HSD17B12: variants seen among roughly 807,000 people sequenced by gnomAD.
The protein encoded by HSD17B12 is hydroxysteroid 17-beta dehydrogenase 12.
A neutral mutation model predicts 39.3 loss-of-function variants in HSD17B12; 32 were observed. That is an observed-to-expected ratio of 0.81 (90% CI 0.61 to 1.09). The LOEUF (loss-of-function observed/expected upper bound fraction) is 1.09. Ranked by LOEUF, HSD17B12 falls within the 50% of genes least tolerant of loss-of-function variation. The probability of loss-of-function intolerance (pLI) is 0.00; values close to 1 mark genes in which losing one functional copy is unlikely to be tolerated. For synonymous variants in HSD17B12, 150 were observed against 146.7 expected, an observed-to-expected ratio of 1.02 and a Z score of -0.16; for missense variants, 342 against 382.9, an observed-to-expected ratio of 0.89 and a Z score of 0.89.
the HSD17B12 span, among the ~76,000 whole-genome samples, chr11:43,616,432 A>AAAAAAAAAC: frequency 6.6e-6 from 1 of 150,824 alleles, no homozygotes; most frequent in Non-Finnish European, 1.5e-5. Flanking sequence ...AAACAAAAAA[A>AAAAAAAAAC]AAACAAACAA....
At chr11:43,560,682 T>C in the HSD17B12 span, among the ~76,000 whole-genome samples, 1 of 152,182 alleles carries the variant, frequency 6.6e-6, no homozygotes, top group Non-Finnish European at 1.5e-5. Flanking sequence ...CATTCTCTAT[T>C]ATCCCATAGA....
chr11:43,676,857 CT>C (rs1416604332), upstream of HSD17B12, among the ~76,000 whole-genome samples: 1 of 152,146 alleles, frequency 6.6e-6, no homozygotes, highest in African/African-American at 2.4e-5. Context: ...TCTTCTCCCC[CT>C]TCCACCCTAT....
intron 4 of HSD17B12, among the ~76,000 whole-genome samples, chr11:43,801,383 A>C (rs1408619819): frequency 6.6e-6 from 1 of 152,076 alleles, no homozygotes; most frequent in East Asian, 1.9e-4. Flanking sequence ...TAGACGAAGC[A>C]AGACTTTGTA....
intron 3 of HSD17B12, among the ~76,000 whole-genome samples, chr11:43,778,213 G>T (rs1426761742): frequency 6.6e-6 from 1 of 152,202 alleles, no homozygotes; most frequent in Non-Finnish European, 1.5e-5. Context: ...ACACCTCTAT[G>T]CAAATAAACT....
At chr11:43,557,866 CG>C in the HSD17B12 span, among the ~76,000 whole-genome samples, 4 of 151,340 alleles carry the variant, frequency 2.6e-5, no homozygotes, top group African/African-American at 7.3e-5. Flanking sequence ...GGTGCTGTAA[CG>C]GGGGGGAGCC....
chr11:43,709,298 G>GT (rs1304657236), intron 1 of HSD17B12, among the ~76,000 whole-genome samples: 1 of 152,168 alleles, frequency 6.6e-6, no homozygotes, highest in Non-Finnish European at 1.5e-5. Context: ...GCTAAGTTTT[G>GT]TAATTTTAGT....
At chr11:43,566,881 G>A in the HSD17B12 span, among the ~76,000 whole-genome samples, 6 of 152,150 alleles carry the variant, frequency 3.9e-5, no homozygotes, top group Non-Finnish European at 8.8e-5. Flanking sequence ...TAGGTTAGCC[G>A]ACTAGTTAAC....
chr11:43,757,816 A>C (rs1347359856), intron 3 of HSD17B12, among the ~76,000 whole-genome samples: 2 of 152,098 alleles, frequency 1.3e-5, no homozygotes, highest in Non-Finnish European at 2.9e-5. Context: ...ACTTTGTTGC[A>C]GCATGGTGAG....
At chr11:43,641,499 C>T in the HSD17B12 span, among the ~76,000 whole-genome samples, 4 of 151,778 alleles carry the variant, frequency 2.6e-5, no homozygotes, top group African/African-American at 4.8e-5. Flanking sequence ...AAAGCAGGCC[C>T]GTGAATTAAA....
chr11:43,687,609 G>A (rs1211648308), intron 1 of HSD17B12, among the ~76,000 whole-genome samples: 4 of 152,204 alleles, frequency 2.6e-5, no homozygotes, highest in Non-Finnish European at 5.9e-5. Context: ...TCCTAGGGCA[G>A]GAAAGGGCAG....
chr11:43,709,599 GGTGA>G (rs1950046716), intron 1 of HSD17B12, among the ~76,000 whole-genome samples: 1 of 152,110 alleles, frequency 6.6e-6, no homozygotes, highest in South Asian at 2.1e-4. Flanking sequence ...TGTAACAGGA[GGTGA>G]GTAATTGGAT....
At chr11:43,665,758 C>A in the HSD17B12 span, among the ~76,000 whole-genome samples, 1 of 152,142 alleles carries the variant, frequency 6.6e-6, no homozygotes, top group Non-Finnish European at 1.5e-5. Flanking sequence ...GCTCTACACA[C>A]GCACACACGC....
chr11:43,761,434 A>G (rs772457191), intron 3 of HSD17B12, among the ~76,000 whole-genome samples: 7 of 152,250 alleles, frequency 4.6e-5, no homozygotes, highest in Non-Finnish European at 7.3e-5. Context: ...CTAATGATTT[A>G]CCAGTTTATA....
the HSD17B12 span, among the ~76,000 whole-genome samples, chr11:43,643,507 T>C: frequency 6.6e-6 from 1 of 152,100 alleles, no homozygotes; most frequent in Non-Finnish European, 1.5e-5. Flanking sequence ...CATTTTAAAA[T>C]TAAAAAGTAA....
intron 6 of HSD17B12, among the ~76,000 whole-genome samples, chr11:43,826,421 A>G (rs970324606): frequency 5.9e-5 from 9 of 152,134 alleles, no homozygotes; most frequent in African/African-American, 2.2e-4. Flanking sequence ...TTTAGAGTTT[A>G]TGAATTATGG....
the HSD17B12 span, chr11:43,557,003 A>G: frequency 6.6e-6 from 1 of 152,058 alleles, no homozygotes; most frequent in East Asian, 1.9e-4. Flanking sequence ...GCTTTTGCAA[A>G]GTTTATGATG....
chr11:43,583,845 C>T, the HSD17B12 span, among the ~76,000 whole-genome samples: 2 of 152,140 alleles, frequency 1.3e-5, no homozygotes, highest in East Asian at 1.9e-4. Flanking sequence ...CAGGAACCCT[C>T]CTCACCCCAG....
At chr11:43,825,906 G>A (rs917504845) in intron 6 of HSD17B12, among the ~76,000 whole-genome samples, 5 of 149,728 alleles carry the variant, frequency 3.3e-5, no homozygotes, top group African/African-American at 1.2e-4. Flanking sequence ...CCTTATATAC[G>A]AGTGAAAATG....
At chr11:43,616,976 T>TAAAAAA in the HSD17B12 span, among the ~76,000 whole-genome samples, 2 of 97,944 alleles carry the variant, frequency 2.0e-5, no homozygotes, top group Admixed American at 2.1e-4. Flanking sequence ...TATCTCAAAT[T>TAAAAAA]AAAAAAAAAA....
Sources: allele counts gnomAD v4.1 joint callset (sites outside exome capture counted in the v4.1 genomes callset), GRCh38; gene constraint gnomAD v4.1.1; transcripts MANE v1.5; gene names NCBI Gene and HGNC (gene_info 2026-07-23, HGNC 2026-07-21).